Variants in TRPM7 observed in about 807,000 individuals in gnomAD.
TRPM7 encodes the protein transient receptor potential cation channel subfamily M member 7, also known as LTRPC ion channel family member 7.
In TRPM7, 134 loss-of-function variants were observed where a neutral mutation model predicts 229.7. The ratio of observed to expected loss-of-function variants is 0.58; its 90% confidence interval spans 0.51 to 0.67. The LOEUF (loss-of-function observed/expected upper bound fraction) is 0.67. Ranked by LOEUF, TRPM7 falls within the 30% of genes least tolerant of loss-of-function variation. The pLI, the probability that TRPM7 is intolerant of heterozygous loss-of-function variation, is 0.00. For missense variants in TRPM7, 1,901 were observed against 2,210.0 expected, an observed-to-expected ratio of 0.86 and a Z score of 2.80; for synonymous variants, 699 against 715.2, an observed-to-expected ratio of 0.98 and a Z score of 0.36.
At chr15:50,638,726 C>T (rs890023873) in intron 6 of TRPM7, among the ~76,000 whole-genome samples, 1 of 111,194 alleles carries the variant, frequency 9.0e-6, no homozygotes, top group Non-Finnish European at 2.2e-5. Context: ...TGCTTTGTCA[C>T]CTAGGCTGGA....
intron 5 of TRPM7, 132 bp from the exon 6 acceptor site, chr15:50,639,680 T>C: frequency 1.5e-6 from 1 of 676,890 alleles, no homozygotes; most frequent in Non-Finnish European, 2.3e-6. Context: ...GATCCTCCCT[T>C]GTGAGCCTCC....
intron 21 of TRPM7, among the ~76,000 whole-genome samples, chr15:50,601,322 C>G (rs1342369617): frequency 6.6e-6 from 1 of 152,138 alleles, no homozygotes; most frequent in East Asian, 1.9e-4. Flanking sequence ...ATGTGAGTAT[C>G]AGCTTGCTCA....
intron 1 of TRPM7, among the ~76,000 whole-genome samples, chr15:50,667,938 A>C (rs2061919862): frequency 6.6e-6 from 1 of 152,198 alleles, no homozygotes; most frequent in Non-Finnish European, 1.5e-5. Flanking sequence ...TTCCAAAATT[A>C]TGAAAAGCTC....
Position 50,564,248 on chromosome 15 carries a change from A to AAAAATAAAATAAAATAAAAT in TRPM7, c.5468-2460_5468-2441dup, listed in dbSNP as rs58216853. On this transcript the variant is annotated intron_variant, in intron 38 of 38. Transcript: ENST00000646667. ...TGGGTGACAGAGTGAGACTGTCTCAAAAAATAAAATAAAATAAAATAAAAT... is the reference window on the plus strand; with the variant it reads ...TGGGTGACAGAGTGAGACTGTCTCAAAAAATAAAATAAAATAAAATAAAATAAAATAAAATAAAATAAAAT... 1.5e-3 allele frequency among the ~76,000 whole-genome samples: 182 copies of AAAAATAAAATAAAATAAAAT among 124,802 alleles called. 4 individuals carry two copies. The highest frequency in any genetic ancestry group is 5.4e-3 in the African/African-American group (158 of 29,344). 81.9% of individuals were successfully genotyped at this position (124,802 alleles called of 152,430 possible).
At chr15:50,633,118 G>T in intron 8 of TRPM7, 126 bp from the exon 9 acceptor site, 1 of 767,070 alleles carries the variant, frequency 1.3e-6, no homozygotes, top group Non-Finnish European at 1.8e-6. Flanking sequence ...CTTCACCTTG[G>T]GTGGGATTAT....
rs770806232 is a variant in TRPM7 at position 50,574,698 on chromosome 15, C to T, written c.5041G>A (p.Ala1681Thr). Reference sequence around the variant, plus strand: ...TTAAAGGCAAACGTAAGCTTTTGTGCTGCTCTCTGTTGTTGAATTTCCTAT... The same window carrying T: ...TTAAAGGCAAACGTAAGCTTTTGTGTTGCTCTCTGTTGTTGAATTTCCTAT... ...CLREIQQQRA[A>T]QKLTFAFNQM... Residue 1681 changes from alanine to threonine, a missense_variant, in exon 35 of 39, where the codon GCA (alanine) becomes ACA (threonine). Physicochemically the swap from Ala to Thr is moderately conservative, Grantham distance 58 (BLOSUM62 0). Around this residue, in one of 8 missense-constraint regions of TRPM7, gnomAD observed 257 missense variants for 352.0 expected, o/e 0.73. Coordinates refer to ENST00000646667, the MANE Select transcript of TRPM7 (RefSeq NM_017672.6). The T allele has an allele frequency of 9.9e-6, 16 of 1,613,808 alleles. No individual in the cohort carries two copies. Among genetic ancestry groups the T allele is most frequent in the East Asian group, 2.2e-5 (1 of 44,840 alleles).
intron 30 of TRPM7, among the ~76,000 whole-genome samples, chr15:50,579,896 C>G (rs1454412966): frequency 6.6e-6 from 1 of 152,190 alleles, no homozygotes; most frequent in African/African-American, 2.4e-5. Flanking sequence ...AACAATCCTT[C>G]TGCCTCAAGC....
intron 22 of TRPM7, among the ~76,000 whole-genome samples, chr15:50,598,851 A>G (rs919070125): frequency 2.0e-5 from 3 of 152,206 alleles, no homozygotes; most frequent in African/African-American, 4.8e-5. Context: ...CACTAGACCT[A>G]GCTCAATATT....
At position 50,634,046 on chromosome 15, in the gene TRPM7, T is replaced by C. The variant is rs148168103; in HGVS notation, c.1007+336A>G. Among the ~76,000 whole-genome samples the C allele has an allele frequency of 1.4e-3, 207 of 152,278 alleles. 3 individuals carry two copies. In the East Asian group the frequency reaches 0.027, roughly 20 times the overall value. ...TAAATTCATTAAAATGGGCCAGGCA[T>C]GGTGGCTCATGCCTGTAATCCCAGC... On this transcript the variant is annotated intron_variant, in intron 8 of 38. Transcript: ENST00000646667.
chr15:50,601,295 TTTAA>T (rs1401293736), intron 21 of TRPM7, among the ~76,000 whole-genome samples: 1 of 152,214 alleles, frequency 6.6e-6, no homozygotes. Flanking sequence ...TTGATAGGAA[TTTAA>T]TTAATTAAAA....
chr15:50,580,915 T>C lies in TRPM7; in HGVS notation c.4558-7A>G. ...GTCTATCTTGTAACCAATCCTTCAGTAAAAAAAAAACACACACACACAAAA... is the reference window on the plus strand; with the variant it reads ...GTCTATCTTGTAACCAATCCTTCAGCAAAAAAAAAACACACACACACAAAA... On this transcript the variant is annotated splice_polypyrimidine_tract_variant and splice_region_variant and intron_variant, in intron 29 of 38. Transcript: ENST00000646667. 1 of 1,403,412 alleles carries C rather than the reference T, an allele frequency of 7.1e-7. No homozygotes were observed. Among genetic ancestry groups the C allele is most frequent in the Non-Finnish European group, 9.6e-7 (1 of 1,043,346 alleles). 86.9% of individuals were successfully genotyped at this position (1,403,412 alleles called of 1,614,324 possible). A position where few individuals can be genotyped will look rare whatever the true frequency, so the allele number is the denominator to read the frequency against.
At chr15:50,631,085 C>A (rs973274775) in intron 10 of TRPM7, among the ~76,000 whole-genome samples, 14 of 152,096 alleles carry the variant, frequency 9.2e-5, no homozygotes, top group Admixed American at 1.3e-4. Context: ...GCTTTGGCTC[C>A]CAAAGTGTTG....
intron 13 of TRPM7, among the ~76,000 whole-genome samples, chr15:50,619,211 C>T (rs2060317548): frequency 6.6e-6 from 1 of 150,650 alleles, no homozygotes; most frequent in Non-Finnish European, 1.5e-5. Flanking sequence ...AGAAGCTCAA[C>T]AGCTTTTTTT....
intron 22 of TRPM7, among the ~76,000 whole-genome samples, chr15:50,598,140 G>C (rs1025030646): frequency 6.6e-6 from 1 of 152,076 alleles, no homozygotes; most frequent in Non-Finnish European, 1.5e-5. Context: ...AAATACGTAG[G>C]AAGGGAGTAA....
intron 13 of TRPM7, among the ~76,000 whole-genome samples, chr15:50,615,826 G>A (rs188332204): frequency 2.8e-3 from 421 of 152,194 alleles, no homozygotes; most frequent in Middle Eastern, 0.01. Flanking sequence ...AACCCAGGAT[G>A]CGGAAGTTGC....
At chr15:50,641,465 C>T (rs1222772102) in intron 5 of TRPM7, among the ~76,000 whole-genome samples, 1 of 152,136 alleles carries the variant, frequency 6.6e-6, no homozygotes, top group East Asian at 1.9e-4. Flanking sequence ...CAACTGTCAC[C>T]TTATCAGCTC....
chr15:50,566,237 CTATT>C (rs894528108), intron 38 of TRPM7, among the ~76,000 whole-genome samples: 4 of 151,926 alleles, frequency 2.6e-5, no homozygotes, highest in African/African-American at 9.7e-5. Flanking sequence ...AAATTTTAAA[CTATT>C]TAAGAACTAA....
At chr15:50,599,078 C>T (rs777724639) in intron 22 of TRPM7, 44 bp downstream of exon 22, 2 of 1,436,698 alleles carry the variant, frequency 1.4e-6, no homozygotes, top group Non-Finnish European at 1.9e-6. Flanking sequence ...GGTTTTAAAA[C>T]ACAAAATAAC....
intron 28 of TRPM7, among the ~76,000 whole-genome samples, chr15:50,585,112 A>C (rs1160859255): frequency 2.8e-5 from 4 of 141,478 alleles, no homozygotes; most frequent in Non-Finnish European, 4.5e-5. Flanking sequence ...CGGACTGCAG[A>C]CTGCAGTGGC....
Sources: gnomAD v4.1 joint callset for allele counts (sites outside exome capture counted in the v4.1 genomes callset) on GRCh38, gnomAD v4.1.1 for gene constraint, gnomAD v4.1.1 regional missense constraint, MANE v1.5 for transcripts, NCBI Gene and HGNC (gene_info 2026-07-23, HGNC 2026-07-21) for gene names.